Variants in MAPK10 observed in about 807,000 individuals in gnomAD.
MAPK10 encodes mitogen-activated protein kinase 10.
In MAPK10, 25 loss-of-function variants were observed where a neutral mutation model predicts 59.3. That is an observed-to-expected ratio of 0.42 (90% CI 0.31 to 0.59). The LOEUF is 0.59. MAPK10 is among the 20% of genes least tolerant of loss of function. The pLI, the probability that MAPK10 is intolerant of heterozygous loss-of-function variation, is 0.15. For synonymous variants in MAPK10, 190 were observed against 200.5 expected, an observed-to-expected ratio of 0.95 and a Z score of 0.44; for missense variants, 351 against 568.9, an observed-to-expected ratio of 0.62 and a Z score of 3.90.
intron 2 of MAPK10, among the ~76,000 whole-genome samples, chr4:86,311,035 T>TACACACAC (rs143712904): frequency 0.023 from 3,330 of 141,888 alleles, 82 homozygotes; most frequent in African/African-American, 0.061. Context: ...AGTTTTAAGT[T>TACACACAC]ACACACACAC....
At chr4:86,448,787 T>C (rs1750355403) in intron 1 of MAPK10, among the ~76,000 whole-genome samples, 4 of 152,146 alleles carry the variant, frequency 2.6e-5, no homozygotes, top group Admixed American at 2.0e-4. Context: ...TATTATTACA[T>C]TGTAATATAT....
chr4:86,507,655 T>TATATATATATATATATAC lies in MAPK10; in HGVS notation c.-263+86254_-263+86255insGTATATATATATATATAT, dbSNP rs1755887058. 8.4e-5 allele frequency among the ~76,000 whole-genome samples: 6 copies of TATATATATATATATATAC among 71,268 alleles called. 1 individual carries two copies. Among genetic ancestry groups the TATATATATATATATATAC allele is most frequent in the Non-Finnish European group, 1.2e-4 (4 of 34,648 alleles). 46.8% of individuals were successfully genotyped at this position (71,268 alleles called of 152,430 possible). On this transcript the variant is annotated intron_variant, in intron 1 of 4. Coordinates refer to the MAPK10 transcript ENST00000502302. Reference sequence around the variant, plus strand: ...ATATATATATATATATATATATATATATATATATATATATATAAAATCATG... The same window carrying TATATATATATATATATAC: ...ATATATATATATATATATATATATATATATATATATATATATACATATATATATATATATAAAATCATG...
chr4:86,280,322 T>C (rs921055814), intron 2 of MAPK10, among the ~76,000 whole-genome samples: 2 of 152,056 alleles, frequency 1.3e-5, no homozygotes, highest in Non-Finnish European at 2.9e-5. Context: ...AGAGAAGACA[T>C]ACAAGAGGCC....
intron 1 of MAPK10, among the ~76,000 whole-genome samples, chr4:86,461,521 C>A (rs1208010291): frequency 6.6e-6 from 1 of 152,058 alleles, no homozygotes; most frequent in Non-Finnish European, 1.5e-5. Context: ...TTAAGCAATC[C>A]CCATGGTGAG....
intron 1 of MAPK10, among the ~76,000 whole-genome samples, chr4:86,397,864 C>CAAAAAAA (rs759585442): frequency 1.9e-5 from 1 of 51,770 alleles, no homozygotes; most frequent in African/African-American, 6.1e-5. Flanking sequence ...TCTGCTATGG[C>CAAAAAAA]AAAAAAAAAA....
At chr4:86,201,187 T>C (rs535514848) in intron 2 of MAPK10, among the ~76,000 whole-genome samples, 3 of 152,092 alleles carry the variant, frequency 2.0e-5, no homozygotes, top group African/African-American at 7.2e-5. Context: ...TCATTCTCTT[T>C]TATGCTTTAA....
chr4:86,385,618 T>C (rs755203293), intron 1 of MAPK10, among the ~76,000 whole-genome samples: 8 of 152,208 alleles, frequency 5.3e-5, no homozygotes, highest in Non-Finnish European at 8.8e-5. Context: ...CACAAATCAC[T>C]TCCCAAGAAT....
At chr4:86,269,409 T>C (rs1413106524) in intron 2 of MAPK10, among the ~76,000 whole-genome samples, 1 of 152,154 alleles carries the variant, frequency 6.6e-6, no homozygotes, top group Non-Finnish European at 1.5e-5. Flanking sequence ...TCTAAAATCT[T>C]CCCTTTTTAT....
intron 8 of MAPK10, chr4:86,099,604 C>T (rs953097640): frequency 6.6e-6 from 1 of 152,162 alleles, no homozygotes; most frequent in African/African-American, 2.4e-5. Flanking sequence ...AGGCAGGCCT[C>T]CTCCATGGAC....
At chr4:86,033,763 G>T (rs2148923034) in intron 11 of MAPK10, among the ~76,000 whole-genome samples, 1 of 152,238 alleles carries the variant, frequency 6.6e-6, no homozygotes, top group African/African-American at 2.4e-5. Context: ...TCAGATTTTT[G>T]ATTGTTTGTT....
At chr4:86,532,065 A>G (rs928801877) in intron 1 of MAPK10, among the ~76,000 whole-genome samples, 2 of 147,592 alleles carry the variant, frequency 1.4e-5, no homozygotes, top group African/African-American at 4.9e-5. Context: ...TTTTATATAT[A>G]TTATTTTTAT....
At chr4:86,427,455 A>G (rs932530347) in intron 1 of MAPK10, among the ~76,000 whole-genome samples, 1 of 151,880 alleles carries the variant, frequency 6.6e-6, no homozygotes, top group Non-Finnish European at 1.5e-5. Context: ...ATCTCCCTCA[A>G]TCAAAAGGAT....
At chr4:86,213,946 T>C (rs1582948502) in intron 2 of MAPK10, among the ~76,000 whole-genome samples, 1 of 152,032 alleles carries the variant, frequency 6.6e-6, no homozygotes, top group East Asian at 1.9e-4. Context: ...AATATCCCTG[T>C]GAATATTGAT....
In MAPK10 at chr4:86,385,648, A is replaced by G. The variant is rs1485081358; in HGVS notation, c.-121-31004T>C. 3.3e-5 allele frequency among the ~76,000 whole-genome samples: 5 copies of G among 152,204 alleles called. No individual in the cohort carries two copies. In the East Asian group the frequency reaches 9.6e-4, roughly 29 times the overall value. ...AAGAATTTTAAAATGAAGAAAACAA[A>G]TCTGAGGTTTAAACTTGTAAAAATC... is the stretch of plus-strand genomic sequence containing the variant. On this transcript the variant is annotated intron_variant, in intron 1 of 13. Transcript: ENST00000361569.
At chr4:86,125,940 G>A (rs1474476601) in intron 4 of MAPK10, 1 of 152,108 alleles carries the variant, frequency 6.6e-6, no homozygotes, top group Admixed American at 6.6e-5. Context: ...GTGCTTTCTT[G>A]AGACCTGTAA....
At chr4:86,433,554 T>TC (rs1748316717) in intron 1 of MAPK10, among the ~76,000 whole-genome samples, 1 of 145,240 alleles carries the variant, frequency 6.9e-6, no homozygotes, top group Non-Finnish European at 1.5e-5. Flanking sequence ...TGGGCCTTCT[T>TC]CTTTTTTTTT....
chr4:86,080,165 A>T (rs940687374), intron 9 of MAPK10: 2 of 152,066 alleles, frequency 1.3e-5, no homozygotes, highest in African/African-American at 4.8e-5. Context: ...AGAATGAAAA[A>T]AATAAAATAT....
chr4:86,153,037 A>G (rs1277470398), intron 4 of MAPK10, among the ~76,000 whole-genome samples: 2 of 152,178 alleles, frequency 1.3e-5, no homozygotes, highest in African/African-American at 4.8e-5. Context: ...GATACATTTT[A>G]ATCCTAACAA....
At chr4:86,063,983 A>T (rs1477010045) in intron 11 of MAPK10, among the ~76,000 whole-genome samples, 2 of 152,226 alleles carry the variant, frequency 1.3e-5, no homozygotes, top group African/African-American at 4.8e-5. Flanking sequence ...AACACACAAG[A>T]AGAAACACAA....
Sources: allele counts gnomAD v4.1 joint callset (sites outside exome capture counted in the v4.1 genomes callset), GRCh38; gene constraint gnomAD v4.1.1; transcripts MANE v1.5; gene names NCBI Gene and HGNC (gene_info 2026-07-23, HGNC 2026-07-21).